SPG11: variants seen among roughly 807,000 people sequenced by gnomAD.
SPG11 encodes spatacsin.
In SPG11, 222 loss-of-function variants were observed where a neutral mutation model predicts 274.0. That is an observed-to-expected ratio of 0.81 (90% confidence interval 0.73 to 0.91). SPG11 has a LOEUF of 0.91. Ranked by LOEUF, SPG11 falls within the 40% of genes least tolerant of loss-of-function variation. The pLI is 0.00. For synonymous variants in SPG11, 1,144 were observed against 1,039.7 expected (o/e 1.10, Z -1.93); for missense variants, 3,114 against 2,872.7 (o/e 1.08, Z -1.92).
chr15:44,584,636 T>G, intron 29 of SPG11, 78 bp from the exon 30 acceptor site: 1 of 1,511,328 alleles, frequency 6.6e-7, no homozygotes, highest in East Asian at 2.3e-5. Context: ...CCTAAGTATA[T>G]CATACTTGTT....
rs534771304 is a variant in SPG11, at chr15:44,606,037, G to A, written c.3508C>T (p.Leu1170=). 2 of 1,613,658 alleles carry A rather than the reference G, an allele frequency of 1.2e-6. No individual in the cohort carries two copies. Among genetic ancestry groups the A allele is most frequent in the South Asian group, 2.2e-5 (2 of 91,074 alleles). ...RLFGWQSANT[L]AIGDAWSHLP... ...CATGATGACTTACCTCCTATAGCTAGTGTGTTAGCAGACTGCCAGCCAAAC... is the reference window on the plus strand; with the variant it reads ...CATGATGACTTACCTCCTATAGCTAATGTGTTAGCAGACTGCCAGCCAAAC... Residue 1170 remains leucine (L), a synonymous_variant, in exon 20 of 40, where the codon CTA becomes TTA. Transcript: ENST00000261866.
chr15:44,571,501 T>TTTTC (rs1567130182), intron 33 of SPG11, among the ~76,000 whole-genome samples: 1 of 147,576 alleles, frequency 6.8e-6, no homozygotes, highest in African/African-American at 2.5e-5. Flanking sequence ...CTTTTCTTTT[T>TTTTC]TTTTTTTTTT....
At chr15:44,576,671 G>A (rs577917961) in intron 30 of SPG11, among the ~76,000 whole-genome samples, 18 of 151,400 alleles carry the variant, frequency 1.2e-4, no homozygotes, top group Non-Finnish European at 2.2e-4. Flanking sequence ...GAAAGAAGGG[G>A]GTCTATCTAT....
At chr15:44,614,315 T>C (rs1595882816) in intron 16 of SPG11, among the ~76,000 whole-genome samples, 1 of 152,122 alleles carries the variant, frequency 6.6e-6, no homozygotes, top group Non-Finnish European at 1.5e-5. Flanking sequence ...AGCCTGGACC[T>C]CCTAGGCTCA....
chr15:44,615,518 G>A lies in SPG11; in HGVS notation c.2883C>T (p.Leu961=), dbSNP rs1242075279. The change falls in exon 16 of 40, where the codon CTC becomes CTT. Residue 961 remains leucine (L), a synonymous_variant. Coordinates refer to ENST00000261866, the MANE Select transcript of SPG11 (RefSeq NM_025137.4). ...ASELEDFECF[L]LRLSRIGGVI... ...CACCTCCAATACGGCTCAGTCTTAG[G>A]AGGAAGCATTCAAAGTCTTCCAGTT... The A allele has an allele frequency of 1.2e-6, 2 of 1,614,078 alleles. No homozygotes were observed. The highest frequency in any genetic ancestry group is 1.7e-5 in the Admixed American group (1 of 60,014).
intron 24 of SPG11, 80 bp from the exon 25 acceptor site, chr15:44,596,435 G>C: frequency 6.6e-7 from 1 of 1,508,068 alleles, no homozygotes; most frequent in Non-Finnish European, 9.1e-7. Context: ...GAAAAGCATA[G>C]ACAAAATTAT....
chr15:44,578,082 TG>T (rs1188317282), intron 30 of SPG11, among the ~76,000 whole-genome samples: 1 of 150,136 alleles, frequency 6.7e-6, no homozygotes, highest in Non-Finnish European at 1.5e-5. Context: ...TGGAGTGCAT[TG>T]GCGTGATCTC....
At chr15:44,655,138 T>C (rs2084901313) in intron 4 of SPG11, among the ~76,000 whole-genome samples, 1 of 152,122 alleles carries the variant, frequency 6.6e-6, no homozygotes, top group South Asian at 2.1e-4. Flanking sequence ...CAGTAAAAAG[T>C]GATCTCTTTA....
chr15:44,567,125 G>C (rs955958872), intron 36 of SPG11, among the ~76,000 whole-genome samples: 3 of 152,020 alleles, frequency 2.0e-5, no homozygotes, highest in African/African-American at 7.2e-5. Flanking sequence ...GCCAACGTGG[G>C]CAGTTCACCA....
intron 28 of SPG11, among the ~76,000 whole-genome samples, chr15:44,588,956 T>C (rs1213208023): frequency 1.3e-5 from 2 of 152,208 alleles, no homozygotes; most frequent in Non-Finnish European, 2.9e-5. Flanking sequence ...TAGGTCAGCG[T>C]CTGTGGGTTG....
At chr15:44,643,890 G>A (rs1378172465) in intron 7 of SPG11, among the ~76,000 whole-genome samples, 3 of 151,978 alleles carry the variant, frequency 2.0e-5, no homozygotes, top group South Asian at 2.1e-4. Context: ...CTGGCTGGGA[G>A]TGGTGGCTCA....
chr15:44,583,703 GT>G (rs1314616905), intron 30 of SPG11, 110 bp downstream of exon 30: 1 of 1,436,212 alleles, frequency 7.0e-7, no homozygotes, highest in African/African-American at 1.4e-5. Context: ...GAAAAAAGTT[GT>G]TGTCCCCTTA....
intron 7 of SPG11, among the ~76,000 whole-genome samples, chr15:44,641,335 T>G (rs999796538): frequency 6.6e-6 from 1 of 151,854 alleles, no homozygotes; most frequent in African/African-American, 2.4e-5. Flanking sequence ...ATGTCACAAA[T>G]AGCATTAGTC....
rs774004835 is a variant in SPG11, at chr15:44,663,404, C to T, written c.244G>A (p.Gly82Ser). ...CTCAGCACTTACTGCCAGAAGGGGC[C>T]CTCCAGGCAGCAGCGACCCCCGCCC... is the stretch of plus-strand genomic sequence containing the variant. ...SRGGGRCCLEGPFWHFLWEDS... is the reference protein window; with the variant it reads ...SRGGGRCCLESPFWHFLWEDS... Residue 82 changes from glycine to serine, a missense_variant, in exon 1 of 40, where the codon GGC (glycine) becomes AGC (serine). By Grantham distance (56) the Gly-to-Ser change is moderately conservative. Transcript: ENST00000261866. 5 of 1,607,928 alleles carry T rather than the reference C, an allele frequency of 3.1e-6. No individual in the cohort carries two copies. In the Admixed American group the frequency reaches 8.4e-5, roughly 27 times the overall value.
At chr15:44,598,896 A>G in intron 21 of SPG11, 60 bp from the exon 22 acceptor site, 1 of 1,515,970 alleles carries the variant, frequency 6.6e-7, no homozygotes, top group South Asian at 1.1e-5. Flanking sequence ...CACCAGGAAA[A>G]GCAAATGGAA....
chr15:44,657,342 T>A, intron 3 of SPG11, 46 bp from the exon 4 acceptor site: 1 of 1,560,014 alleles, frequency 6.4e-7, no homozygotes, highest in South Asian at 1.1e-5. Context: ...TAAGTATGCC[T>A]AACTATTTAA....
intron 4 of SPG11, among the ~76,000 whole-genome samples, chr15:44,655,083 T>C (rs1213545517): frequency 6.6e-6 from 1 of 152,190 alleles, no homozygotes; most frequent in African/African-American, 2.4e-5. Context: ...GTGGTACTAA[T>C]AATCTCTGTG....
In SPG11 at chr15:44,564,552, G is replaced by A. The variant is rs747227352; in HGVS notation, c.7146C>T (p.Ser2382=). The A allele has an allele frequency of 2.1e-4, 336 of 1,613,634 alleles. 1 individual carries two copies. In the South Asian group the frequency reaches 2.6e-3, roughly 13 times the overall value. Residue 2382 remains serine, a synonymous_variant, in exon 39 of 40, where the codon TCC becomes TCT. Coordinates refer to ENST00000261866, the MANE Select transcript of SPG11 (RefSeq NM_025137.4). ...AGTCAACTTTTAATACTTACTTTTT[G>A]GAAATCTCTTCAAATATACTGGACT... The part of the protein sequence containing the change: ...LLKSSIFEEI[S]KKYKQHQPTD...
At position 44,663,468 on chromosome 15, in the gene SPG11, C is replaced by A; in HGVS notation, c.180G>T (p.Ala60=). ...QPEALGSLTA[A]GSLQVLSLTP... Reference sequence around the variant, plus strand: ...TCAAAGAAAGCACTTGGAGGCTGCCCGCAGCCGTCAGGCTCCCCAGAGCCT... The same window carrying A: ...TCAAAGAAAGCACTTGGAGGCTGCCAGCAGCCGTCAGGCTCCCCAGAGCCT... The change falls in exon 1 of 40, where the codon GCG becomes GCT. Residue 60 remains alanine (A), a synonymous_variant. Transcript: ENST00000261866. 5 of 1,595,196 alleles carry A rather than the reference C, an allele frequency of 3.1e-6. No individual in the cohort carries two copies. The highest frequency in any genetic ancestry group is 1.1e-5 in the South Asian group (1 of 88,768).
Sources: allele counts gnomAD v4.1 joint callset (sites outside exome capture counted in the v4.1 genomes callset), GRCh38; gene constraint gnomAD v4.1.1; transcripts MANE v1.5; gene names NCBI Gene and HGNC (gene_info 2026-07-23, HGNC 2026-07-21).